Variants in DLGAP2 observed in about 807,000 individuals in gnomAD.
DLGAP2 encodes the protein DLG associated protein 2.
DLGAP2 carries 26 observed loss-of-function variants against 100.3 expected under a neutral mutation model. The ratio of observed to expected loss-of-function variants is 0.26; its 90% confidence interval spans 0.19 to 0.36. DLGAP2 has a LOEUF of 0.36. Ranked by LOEUF, DLGAP2 falls within the 10% of genes least tolerant of loss-of-function variation. The pLI, the probability that DLGAP2 is intolerant of heterozygous loss-of-function variation, is 1.00. For synonymous variants in DLGAP2, 886 were observed against 630.1 expected (o/e 1.41, Z -6.08); for missense variants, 1,858 against 1,453.2 (o/e 1.28, Z -4.53).
At chr8:1,618,287 G>A (rs1055755418) in intron 6 of DLGAP2, among the ~76,000 whole-genome samples, 3 of 152,194 alleles carry the variant, frequency 2.0e-5, no homozygotes, top group African/African-American at 7.2e-5. Context: ...AATGAAATAG[G>A]TAGAAATCAA....
intron 1 of DLGAP2, among the ~76,000 whole-genome samples, chr8:871,599 C>G (rs1219365996): frequency 6.6e-6 from 1 of 152,126 alleles, no homozygotes; most frequent in African/African-American, 2.4e-5. Context: ...CTTTAGAGAG[C>G]TGACATGATG....
intron 1 of DLGAP2, among the ~76,000 whole-genome samples, chr8:825,211 C>A (rs1284114692): frequency 1.3e-5 from 2 of 152,194 alleles, no homozygotes; most frequent in African/African-American, 4.8e-5. Context: ...TACATACATG[C>A]CCTGGACGCC....
At chr8:1,685,324 G>T (rs1799086377) in intron 12 of DLGAP2, among the ~76,000 whole-genome samples, 1 of 152,216 alleles carries the variant, frequency 6.6e-6, no homozygotes, top group Non-Finnish European at 1.5e-5. Context: ...GACCAACAGA[G>T]AAGATTGAGG....
At chr8:1,586,353 T>A (rs1005851199) in intron 6 of DLGAP2, among the ~76,000 whole-genome samples, 16 of 152,228 alleles carry the variant, frequency 1.1e-4, no homozygotes, top group African/African-American at 3.4e-4. Flanking sequence ...AGGGATGTGT[T>A]AGCTCTGGCC....
chr8:1,605,352 C>G (rs904392949), intron 6 of DLGAP2, among the ~76,000 whole-genome samples: 2 of 152,186 alleles, frequency 1.3e-5, no homozygotes, highest in Admixed American at 1.3e-4. Context: ...ACAAGTGATA[C>G]AGCAGGGCTC....
At chr8:826,947 A>C (rs1466204837) in intron 1 of DLGAP2, among the ~76,000 whole-genome samples, 2 of 152,092 alleles carry the variant, frequency 1.3e-5, no homozygotes, top group Non-Finnish European at 2.9e-5. Context: ...TCACTAGAGG[A>C]GGTGTTTCAG....
At chr8:1,027,777 G>A (rs879005129) in intron 2 of DLGAP2, among the ~76,000 whole-genome samples, 3 of 128,338 alleles carry the variant, frequency 2.3e-5, no homozygotes, top group East Asian at 2.5e-4. Context: ...GGTGTCAGGC[G>A]CCCGTTATTC....
chr8:1,062,176 T>A (rs185317587), intron 2 of DLGAP2, among the ~76,000 whole-genome samples: 1 of 152,266 alleles, frequency 6.6e-6, no homozygotes, highest in Admixed American at 6.5e-5. Context: ...CCTCTCCTGC[T>A]CTGCACCAAG....
chr8:776,072 G>C (rs1404067635), intron 1 of DLGAP2, among the ~76,000 whole-genome samples: 1 of 151,934 alleles, frequency 6.6e-6, no homozygotes, highest in South Asian at 2.1e-4. Context: ...TCCTGGTTTA[G>C]TCTTGGGAGA....
intron 2 of DLGAP2, among the ~76,000 whole-genome samples, chr8:1,234,869 C>T (rs890953606): frequency 6.6e-6 from 1 of 152,216 alleles, no homozygotes; most frequent in African/African-American, 2.4e-5. Flanking sequence ...ACTTAACTGT[C>T]ACAGCGCTGT....
intron 1 of DLGAP2, among the ~76,000 whole-genome samples, chr8:827,526 T>C (rs1796704346): frequency 6.6e-6 from 1 of 152,228 alleles, no homozygotes; most frequent in African/African-American, 2.4e-5. Flanking sequence ...TCTTCAGTAA[T>C]TATTGCAATT....
At chr8:1,226,531 C>T (rs887683074) in intron 2 of DLGAP2, among the ~76,000 whole-genome samples, 3 of 152,102 alleles carry the variant, frequency 2.0e-5, no homozygotes. Flanking sequence ...GGGCTTAATA[C>T]CAAGGTTGAT....
intron 1 of DLGAP2, among the ~76,000 whole-genome samples, chr8:804,917 A>G (rs1211485171): frequency 6.6e-6 from 1 of 152,096 alleles, no homozygotes; most frequent in East Asian, 1.9e-4. Flanking sequence ...GGTGTGCACC[A>G]CCACACCTGG....
At chr8:1,412,415 A>G (rs1170799433) in intron 3 of DLGAP2, among the ~76,000 whole-genome samples, 1 of 152,156 alleles carries the variant, frequency 6.6e-6, no homozygotes, top group Non-Finnish European at 1.5e-5. Flanking sequence ...ACCCTCTTCC[A>G]TATGATTTGT....
At chr8:1,326,556 C>T (rs980044594) in intron 3 of DLGAP2, among the ~76,000 whole-genome samples, 5 of 151,296 alleles carry the variant, frequency 3.3e-5, no homozygotes, top group Non-Finnish European at 7.4e-5. Context: ...GGACATGGCA[C>T]GCACTCGGTC....
intron 2 of DLGAP2, among the ~76,000 whole-genome samples, chr8:942,759 A>G (rs1189110271): frequency 6.6e-6 from 1 of 152,222 alleles, no homozygotes; most frequent in Non-Finnish European, 1.5e-5. Flanking sequence ...GTGATTTGCT[A>G]GGATTCACAG....
At chr8:1,405,441 G>A (rs1240646632) in intron 3 of DLGAP2, among the ~76,000 whole-genome samples, 5 of 6,044 alleles carry the variant, frequency 8.3e-4, no homozygotes, top group African/African-American at 1.4e-3. Context: ...TCGTCCTCCT[G>A]AGTCGTGTAT....
intron 2 of DLGAP2, among the ~76,000 whole-genome samples, chr8:1,163,382 T>G (rs7813013): frequency 0.55 from 83,447 of 152,172 alleles, 23,374 homozygotes; most frequent in Admixed American, 0.65. Flanking sequence ...GGGTCCGCGG[T>G]TCCGGCTGGA....
At chr8:1,519,538 C>T (rs1800514783) in intron 4 of DLGAP2, among the ~76,000 whole-genome samples, 1 of 152,246 alleles carries the variant, frequency 6.6e-6, no homozygotes, top group Non-Finnish European at 1.5e-5. Flanking sequence ...GTTAGAGAGG[C>T]ACAAGCTGCA....
Sources: allele counts gnomAD v4.1 joint callset (sites outside exome capture counted in the v4.1 genomes callset), GRCh38; gene constraint gnomAD v4.1.1; transcripts MANE v1.5; gene names NCBI Gene and HGNC (gene_info 2026-07-23, HGNC 2026-07-21).